Variants in LARS2 observed in about 807,000 individuals in gnomAD.
LARS2 encodes the protein leucine--tRNA ligase, mitochondrial.
Under a neutral mutation model 116.6 loss-of-function variants are expected in LARS2, and 81 were observed. The observed-to-expected ratio is 0.69, with a 90% CI of 0.58 to 0.84. The LOEUF (loss-of-function observed/expected upper bound fraction) is 0.84, where lower values mean the gene tolerates loss of function less well. Among genes scored for constraint, LARS2 ranks in the 40% least tolerant of loss-of-function variants. LARS2 has a pLI of 0.00. For synonymous variants in LARS2, 396 were observed against 407.2 expected, an observed-to-expected ratio of 0.97 and a Z score of 0.33; for missense variants, 968 against 1,114.5, an observed-to-expected ratio of 0.87 and a Z score of 1.87.
At chr3:45,437,052 G>A (rs1036914185) in intron 6 of LARS2, among the ~76,000 whole-genome samples, 8 of 152,048 alleles carry the variant, frequency 5.3e-5, no homozygotes, top group Admixed American at 3.3e-4. Context: ...AGCTGTTTTC[G>A]GTTAAAAAAG....
At chr3:45,539,797 A>G (rs1024227631) in intron 20 of LARS2, among the ~76,000 whole-genome samples, 2 of 152,158 alleles carry the variant, frequency 1.3e-5, no homozygotes, top group African/African-American at 2.4e-5. Context: ...TATTATATAT[A>G]TAATTGTGTG....
chr3:45,404,804 C>T lies in LARS2; in HGVS notation c.363+4431C>T, dbSNP rs558415369. On this transcript the variant is annotated intron_variant, in intron 4 of 21. Transcript: ENST00000645846. Reference sequence around the variant, plus strand: ...GTTTCACCATGTTGGCCAGGCTGGTCTAGAACTCCTGATCTCAGGTGATCA... The same window carrying T: ...GTTTCACCATGTTGGCCAGGCTGGTTTAGAACTCCTGATCTCAGGTGATCA... Among the ~76,000 whole-genome samples, 3 of 152,214 alleles carry T rather than the reference C, an allele frequency of 2.0e-5. No homozygotes were observed. The East Asian group carries it at 5.8e-4, about 29-fold the overall frequency.
intron 4 of LARS2, among the ~76,000 whole-genome samples, chr3:45,410,108 T>C (rs550013352): frequency 1.8e-4 from 27 of 152,316 alleles, no homozygotes; most frequent in African/African-American, 6.3e-4. Context: ...ATCGGTGCCA[T>C]TTTGGCAGTT....
At chr3:45,515,234 GTTC>G (rs1300855105) in intron 16 of LARS2, among the ~76,000 whole-genome samples, 1 of 152,094 alleles carries the variant, frequency 6.6e-6, no homozygotes, top group Non-Finnish European at 1.5e-5. Context: ...GCTTCTCTCT[GTTC>G]TTCTGCCCTG....
chr3:45,513,343 G>C, intron 16 of LARS2, 108 bp downstream of exon 16: 2 of 762,724 alleles, frequency 2.6e-6, no homozygotes, highest in Non-Finnish European at 2.3e-6. Flanking sequence ...GAGGATGCAG[G>C]AGAGAGACCC....
chr3:45,501,936 T>G (rs1417555331), intron 15 of LARS2, among the ~76,000 whole-genome samples: 1 of 152,026 alleles, frequency 6.6e-6, no homozygotes, highest in Non-Finnish European at 1.5e-5. Context: ...TTTTTTTAAT[T>G]TTTTAATTTT....
At chr3:45,399,287 A>G (rs968950268) in intron 3 of LARS2, among the ~76,000 whole-genome samples, 1 of 152,180 alleles carries the variant, frequency 6.6e-6, no homozygotes, top group Non-Finnish European at 1.5e-5. Context: ...TGCTAAACCT[A>G]CGTCAGAATG....
At chr3:45,416,982 G>T (rs556421724) in intron 4 of LARS2, among the ~76,000 whole-genome samples, 2 of 151,648 alleles carry the variant, frequency 1.3e-5, no homozygotes, top group Non-Finnish European at 2.9e-5. Flanking sequence ...GCTGATGCAG[G>T]AGAATCGCTT....
intron 4 of LARS2, among the ~76,000 whole-genome samples, chr3:45,413,309 ATGTGCGATGC>A (rs1443584838): frequency 6.6e-6 from 1 of 152,208 alleles, no homozygotes; most frequent in African/African-American, 2.4e-5. Context: ...GGAATCAGTG[ATGTGCGATGC>A]TGTGAGATGC....
Position 45,516,033 on chromosome 3 carries a change from A to G in LARS2, c.1862-61A>G, listed in dbSNP as rs78033858. On this transcript the variant is annotated intron_variant, in intron 16 of 21. Transcript: ENST00000645846. ...CACCCAGTTTTTACTTATTGATGCT[A>G]TTTCTATAGAAGCAATTCACAATGA... 1.5e-5 allele frequency: 20 copies of G among 1,363,738 alleles called. No individual in the cohort carries two copies. In the Admixed American group the frequency reaches 2.9e-4, roughly 20 times the overall value. The allele number at this position is 1,363,738 out of a possible 1,614,324, so 84.5% of individuals were successfully genotyped here.
At chr3:45,474,632 CTT>C (rs1232017308) in intron 9 of LARS2, among the ~76,000 whole-genome samples, 4 of 152,282 alleles carry the variant, frequency 2.6e-5, no homozygotes, top group African/African-American at 7.2e-5. Flanking sequence ...TTAGTACAGT[CTT>C]TGAAATCTGT....
At chr3:45,390,752 A>T (rs2125669499) in intron 1 of LARS2, among the ~76,000 whole-genome samples, 1 of 151,442 alleles carries the variant, frequency 6.6e-6, no homozygotes, top group East Asian at 1.9e-4. Context: ...TCCCGGGTTC[A>T]CGCCTTTCTC....
At chr3:45,543,459 TTTTA>T (rs1700826542) in intron 21 of LARS2, among the ~76,000 whole-genome samples, 1 of 149,230 alleles carries the variant, frequency 6.7e-6, no homozygotes, top group Admixed American at 6.6e-5. Flanking sequence ...AATTTTTTTT[TTTTA>T]TTTTTTTATT....
intron 7 of LARS2, among the ~76,000 whole-genome samples, chr3:45,447,600 G>A (rs1484069571): frequency 2.0e-5 from 3 of 152,178 alleles, no homozygotes; most frequent in African/African-American, 7.2e-5. Flanking sequence ...ATGCAGCACA[G>A]AGGCCCTTGC....
At chr3:45,509,710 A>G (rs1487925273) in intron 15 of LARS2, among the ~76,000 whole-genome samples, 1 of 151,870 alleles carries the variant, frequency 6.6e-6, no homozygotes, top group East Asian at 1.9e-4. Context: ...CAGATTCCCA[A>G]CTCCCTATAG....
intron 8 of LARS2, among the ~76,000 whole-genome samples, chr3:45,465,173 T>C (rs959759421): frequency 6.6e-6 from 1 of 152,172 alleles, no homozygotes; most frequent in Non-Finnish European, 1.5e-5. Context: ...GTCCCAGGGA[T>C]CTGGTTTTGA....
chr3:45,489,380 C>T (rs77676132), intron 12 of LARS2, among the ~76,000 whole-genome samples: 1 of 152,144 alleles, frequency 6.6e-6, no homozygotes, highest in East Asian at 1.9e-4. Flanking sequence ...AGCAGTGATT[C>T]TCAAACTTGA....
Position 45,492,665 on chromosome 3 carries a change from C to T in LARS2, c.1523+865C>T, listed in dbSNP as rs1030901407. On this transcript the variant is annotated intron_variant, in intron 13 of 21. Transcript: ENST00000645846. Reference sequence around the variant, plus strand: ...GGGAAAGTCATTTACCTTCTCTGAGCGTGAAATCCCTCATCAGGAACAAAA... The same window carrying T: ...GGGAAAGTCATTTACCTTCTCTGAGTGTGAAATCCCTCATCAGGAACAAAA... 2.8e-4 allele frequency among the ~76,000 whole-genome samples: 42 copies of T among 152,174 alleles called. 1 individual carries two copies. Among genetic ancestry groups the T allele is most frequent in the Admixed American group, 2.4e-3 (37 of 15,282 alleles).
At chr3:45,514,710 AAC>A (rs1347780992) in intron 16 of LARS2, among the ~76,000 whole-genome samples, 4 of 152,242 alleles carry the variant, frequency 2.6e-5, no homozygotes, top group Admixed American at 1.3e-4. Context: ...ACATCTGCCA[AAC>A]GAGGGTGACT....
Sources: allele counts gnomAD v4.1 joint callset (sites outside exome capture counted in the v4.1 genomes callset), GRCh38; gene constraint gnomAD v4.1.1; transcripts MANE v1.5; gene names NCBI Gene and HGNC (gene_info 2026-07-23, HGNC 2026-07-21).